The following CNTN6 variants were observed in gnomAD, a reference collection of about 807,000 sequenced individuals.
CNTN6 encodes contactin-6.
Under a neutral mutation model 122.8 loss-of-function variants are expected in CNTN6, and 137 were observed. The observed-to-expected ratio is 1.12, with a 90% CI of 0.97 to 1.29. The LOEUF is 1.29. Ranked by LOEUF, CNTN6 falls within the 50% of genes most tolerant of loss-of-function variation. CNTN6 has a pLI of 0.00. For synonymous variants in CNTN6, 570 were observed against 426.0 expected (o/e 1.34, Z -4.16); for missense variants, 1,634 against 1,223.4 (o/e 1.34, Z -5.01).
intron 2 of CNTN6, among the ~76,000 whole-genome samples, chr3:1,156,685 CT>C: frequency 5.8e-5 from 1 of 17,372 alleles, no homozygotes; most frequent in African/African-American, 1.6e-3. Flanking sequence ...CTTCCTTTCC[CT>C]CCCTCCCTTC....
At chr3:1,263,953 G>T (rs2094887397) in intron 4 of CNTN6, among the ~76,000 whole-genome samples, 1 of 151,652 alleles carries the variant, frequency 6.6e-6, no homozygotes, top group South Asian at 2.1e-4. Flanking sequence ...AGAATGCAAA[G>T]ATCTGGGGGT....
chr3:1,160,796 G>A (rs1010132163), intron 2 of CNTN6, among the ~76,000 whole-genome samples: 1 of 151,954 alleles, frequency 6.6e-6, no homozygotes, highest in African/African-American at 2.4e-5. Flanking sequence ...TTTAGCCAGG[G>A]TGTGCTGGAG....
At chr3:1,332,142 T>A (rs1174746006) in intron 11 of CNTN6, among the ~76,000 whole-genome samples, 1 of 151,984 alleles carries the variant, frequency 6.6e-6, no homozygotes, top group Admixed American at 6.6e-5. Context: ...ATCTCCTTAC[T>A]GTGCATTCTT....
chr3:1,265,044 C>CTTTTTTTT lies in CNTN6; in HGVS notation c.359-13357_359-13350dup, dbSNP rs201949693. ...ATGTTGCCACAAATGACCGAATTTC[C>CTTTTTTTT]TTTTTTTTTTTTTTTTTTTGGCTGG... On this transcript the variant is annotated intron_variant, in intron 4 of 22. Coordinates refer to ENST00000446702, the MANE Select transcript of CNTN6 (RefSeq NM_001289080.2). Among the ~76,000 whole-genome samples, 301 of 100,680 alleles carry CTTTTTTTT rather than the reference C, an allele frequency of 3.0e-3. 4 individuals are homozygous for CTTTTTTTT. Among genetic ancestry groups the CTTTTTTTT allele is most frequent in the Admixed American group, 5.6e-3 (48 of 8,578 alleles). 66.0% of individuals were successfully genotyped at this position (100,680 alleles called of 152,430 possible).
chr3:1,210,584 T>A (rs957080641), intron 2 of CNTN6, among the ~76,000 whole-genome samples: 2 of 152,094 alleles, frequency 1.3e-5, no homozygotes, highest in African/African-American at 4.8e-5. Context: ...AGGGTAGAGC[T>A]TTTATAGTAC....
chr3:1,138,054 CT>C (rs2092523694), intron 1 of CNTN6, among the ~76,000 whole-genome samples: 1 of 152,222 alleles, frequency 6.6e-6, no homozygotes, highest in South Asian at 2.1e-4. Flanking sequence ...ATACTCATTT[CT>C]TTTCACTGAC....
Position 1,380,182 on chromosome 3 carries a change from C to T in CNTN6, c.2167-2760C>T, listed in dbSNP as rs567382623. ...CTGTTGGACTTTGAAAGGCACTGCG[C>T]GACACAAGACTGTTCTAAGTTCAGT... is the stretch of plus-strand genomic sequence containing the variant. On this transcript the variant is annotated intron_variant, in intron 17 of 22. Transcript: ENST00000446702. Among the ~76,000 whole-genome samples the T allele has an allele frequency of 1.5e-4, 23 of 152,224 alleles. 1 individual carries two copies. Among genetic ancestry groups the T allele is most frequent in the South Asian group, 6.2e-4 (3 of 4,820 alleles).
intron 4 of CNTN6, among the ~76,000 whole-genome samples, chr3:1,277,774 GA>G (rs1575526224): frequency 6.6e-6 from 1 of 152,182 alleles, no homozygotes; most frequent in African/African-American, 2.4e-5. Context: ...CATTCTTCAG[GA>G]AGGTGGAAAG....
At chr3:1,125,146 G>A (rs2092113332) in intron 1 of CNTN6, among the ~76,000 whole-genome samples, 1 of 151,908 alleles carries the variant, frequency 6.6e-6, no homozygotes, top group Non-Finnish European at 1.5e-5. Flanking sequence ...ATATGCCTGA[G>A]AAACAGAAAT....
intron 7 of CNTN6, among the ~76,000 whole-genome samples, chr3:1,319,432 T>C (rs1035379179): frequency 6.6e-6 from 1 of 151,686 alleles, no homozygotes; most frequent in African/African-American, 2.4e-5. Flanking sequence ...ACTGTGAGTC[T>C]GCATAATATA....
At chr3:1,165,340 C>G (rs1031645318) in intron 2 of CNTN6, among the ~76,000 whole-genome samples, 4 of 152,160 alleles carry the variant, frequency 2.6e-5, no homozygotes, top group Non-Finnish European at 4.4e-5. Flanking sequence ...TCCCATTACA[C>G]CAATAGGAAA....
At chr3:1,322,369 G>A (rs972880204) in intron 8 of CNTN6, among the ~76,000 whole-genome samples, 11 of 151,618 alleles carry the variant, frequency 7.3e-5, no homozygotes, top group African/African-American at 1.9e-4. Flanking sequence ...TAAGAGAGAC[G>A]ATGAATGCAT....
intron 4 of CNTN6, among the ~76,000 whole-genome samples, chr3:1,256,590 C>T (rs2094762741): frequency 6.6e-6 from 1 of 152,230 alleles, no homozygotes; most frequent in East Asian, 1.9e-4. Context: ...TGAGAATTAT[C>T]TACATATAAA....
chr3:1,246,324 C>G (rs764920398), intron 4 of CNTN6, among the ~76,000 whole-genome samples: 4 of 151,980 alleles, frequency 2.6e-5, no homozygotes, highest in Non-Finnish European at 4.4e-5. Context: ...TCAAGTCTGG[C>G]TTATTAGCCA....
chr3:1,119,386 G>GTATA (rs2091866562), intron 1 of CNTN6, among the ~76,000 whole-genome samples: 1 of 119,900 alleles, frequency 8.3e-6, no homozygotes, highest in South Asian at 2.7e-4. Flanking sequence ...TAAACTCTTC[G>GTATA]AGCTTTGACA....
chr3:1,119,339 G>GTGTGTGTGTGTGTGTGTGTGTC (rs1284081653), intron 1 of CNTN6, among the ~76,000 whole-genome samples: 3 of 151,198 alleles, frequency 2.0e-5, no homozygotes, highest in African/African-American at 7.3e-5. Context: ...GTGTGTGTGT[G>GTGTGTGTGTGTGTGTGTGTGTC]TGTGTGTGTG....
chr3:1,173,369 C>T (rs993551871), intron 2 of CNTN6: 1 of 450,286 alleles, frequency 2.2e-6, no homozygotes, highest in African/African-American at 2.0e-5. Flanking sequence ...AGCTTTACAG[C>T]ATGTGCTCGA....
intron 2 of CNTN6, among the ~76,000 whole-genome samples, chr3:1,160,113 C>A (rs915803931): frequency 6.6e-6 from 1 of 151,980 alleles, no homozygotes; most frequent in African/African-American, 2.4e-5. Context: ...GCCACCACGC[C>A]CGGCCAATCA....
At chr3:1,334,453 T>C (rs923051401) in intron 11 of CNTN6, among the ~76,000 whole-genome samples, 9 of 151,844 alleles carry the variant, frequency 5.9e-5, no homozygotes, top group African/African-American at 2.2e-4. Context: ...CTTTAGGAAA[T>C]ATTAAACACT....
Sources: allele counts gnomAD v4.1 joint callset (sites outside exome capture counted in the v4.1 genomes callset), GRCh38; gene constraint gnomAD v4.1.1; transcripts MANE v1.5; gene names NCBI Gene and HGNC (gene_info 2026-07-23, HGNC 2026-07-21).